Variants in UNC13C observed in about 807,000 individuals in gnomAD.
UNC13C encodes protein unc-13 homolog C.
Under a neutral mutation model 245.4 loss-of-function variants are expected in UNC13C, and 174 were observed. That is an observed-to-expected ratio of 0.71 (90% CI 0.63 to 0.80). The LOEUF (loss-of-function observed/expected upper bound fraction) is 0.80. Among genes scored for constraint, UNC13C ranks in the 30% least tolerant of loss-of-function variants. The pLI is 0.00. For synonymous variants in UNC13C, 992 were observed against 895.1 expected (o/e 1.11, Z -1.93); for missense variants, 2,829 against 2,602.9 (o/e 1.09, Z -1.89).
chr15:54,151,086 G>T (rs1177595604), intron 4 of UNC13C, among the ~76,000 whole-genome samples: 3 of 152,070 alleles, frequency 2.0e-5, no homozygotes, highest in African/African-American at 7.2e-5. Flanking sequence ...CTTACTGAGT[G>T]GTAGACCATA....
intron 14 of UNC13C, 70 bp from the exon 15 acceptor site, chr15:54,331,973 C>A: frequency 1.0e-6 from 1 of 996,538 alleles, no homozygotes; most frequent in Non-Finnish European, 1.4e-6. Context: ...AGACAAAACT[C>A]AGAATTATTA....
At chr15:53,979,245 C>A (rs1191238031) in intron 1 of UNC13C, among the ~76,000 whole-genome samples, 1 of 146,420 alleles carries the variant, frequency 6.8e-6, no homozygotes, top group Non-Finnish European at 1.5e-5. Flanking sequence ...TATTCCATAA[C>A]CCCTCGGAAT....
chr15:54,572,478 T>G (rs1271057924), intron 30 of UNC13C, among the ~76,000 whole-genome samples: 1 of 149,444 alleles, frequency 6.7e-6, no homozygotes, highest in Non-Finnish European at 1.5e-5. Context: ...CAAGCTAGAG[T>G]GCAGTGGCAC....
At chr15:54,407,984 G>A (rs571759506) in intron 18 of UNC13C, among the ~76,000 whole-genome samples, 2 of 151,978 alleles carry the variant, frequency 1.3e-5, no homozygotes, top group South Asian at 2.1e-4. Flanking sequence ...GGCAGATCAT[G>A]AGGTCAGGAG....
intron 14 of UNC13C, among the ~76,000 whole-genome samples, chr15:54,326,986 C>T (rs1438182769): frequency 2.0e-5 from 3 of 151,902 alleles, no homozygotes; most frequent in African/African-American, 7.3e-5. Flanking sequence ...AGCCACTTTA[C>T]CAGCGCATCA....
intron 4 of UNC13C, among the ~76,000 whole-genome samples, chr15:54,204,306 G>GAAAA (rs71132787): frequency 5.2e-4 from 65 of 124,840 alleles, no homozygotes; most frequent in Non-Finnish European, 7.3e-4. Flanking sequence ...ATTAAAAATT[G>GAAAA]AAAAAAAAAA....
At chr15:53,868,120 C>T in the UNC13C span, among the ~76,000 whole-genome samples, 1 of 152,164 alleles carries the variant, frequency 6.6e-6, no homozygotes. Context: ...CAGACATAAG[C>T]CACCATTCCT....
chr15:54,239,772 A>G (rs2035803316), intron 7 of UNC13C, among the ~76,000 whole-genome samples: 1 of 152,118 alleles, frequency 6.6e-6, no homozygotes, highest in Non-Finnish European at 1.5e-5. Flanking sequence ...CTTATCTGTT[A>G]GATTTATGAT....
At position 54,016,249 on chromosome 15, in the gene UNC13C, G is replaced by T. The variant is rs74524354; in HGVS notation, c.2983+363G>T. On this transcript the variant is annotated intron_variant, in intron 2 of 32. Coordinates refer to ENST00000260323, the MANE Select transcript of UNC13C (RefSeq NM_001080534.3). Reference sequence around the variant, plus strand: ...AACCAAAGGTTAAGCCAACAGCCTGGCATCTATTTCTTGGTTCCATTAAGT... The same window carrying T: ...AACCAAAGGTTAAGCCAACAGCCTGTCATCTATTTCTTGGTTCCATTAAGT... 2.0e-3 allele frequency among the ~76,000 whole-genome samples: 308 copies of T among 152,218 alleles called. 3 individuals are homozygous for T. Among genetic ancestry groups the T allele is most frequent in the African/African-American group, 7.2e-3 (298 of 41,524 alleles).
chr15:53,951,198 A>G, the UNC13C span, among the ~76,000 whole-genome samples: 1 of 152,354 alleles, frequency 6.6e-6, no homozygotes, highest in East Asian at 1.9e-4. Flanking sequence ...ATTTAACTCA[A>G]TAAACCTACA....
chr15:54,212,917 C>T (rs912855229), intron 4 of UNC13C, among the ~76,000 whole-genome samples: 2 of 152,008 alleles, frequency 1.3e-5, no homozygotes, highest in East Asian at 1.9e-4. Flanking sequence ...CTATTTAAAC[C>T]CTGATGGCCT....
intron 19 of UNC13C, among the ~76,000 whole-genome samples, chr15:54,492,502 T>C (rs999269424): frequency 1.3e-5 from 2 of 152,294 alleles, no homozygotes; most frequent in South Asian, 2.1e-4. Context: ...CATAGAAATT[T>C]ACATGCACAA....
intron 14 of UNC13C, among the ~76,000 whole-genome samples, chr15:54,325,550 T>C (rs1423644802): frequency 6.6e-6 from 1 of 151,988 alleles, no homozygotes; most frequent in African/African-American, 2.4e-5. Flanking sequence ...CCTAATGCTA[T>C]CCCTCCCCCA....
chr15:54,227,369 G>A (rs1299626996), intron 4 of UNC13C, among the ~76,000 whole-genome samples: 1 of 152,136 alleles, frequency 6.6e-6, no homozygotes, highest in Non-Finnish European at 1.5e-5. Flanking sequence ...TTGAAGGTGG[G>A]GTTTCACCAC....
intron 4 of UNC13C, among the ~76,000 whole-genome samples, chr15:54,214,444 G>A (rs985684571): frequency 6.6e-6 from 1 of 151,906 alleles, no homozygotes; most frequent in Non-Finnish European, 1.5e-5. Flanking sequence ...AACTATATAA[G>A]AGGATGCAAG....
chr15:54,101,210 C>CT (rs775669470), intron 2 of UNC13C, among the ~76,000 whole-genome samples: 7 of 151,494 alleles, frequency 4.6e-5, no homozygotes, highest in Non-Finnish European at 1.0e-4. Context: ...ATCATGGTTC[C>CT]TTTTTTTTCT....
At chr15:54,044,034 T>G (rs1482062077) in intron 2 of UNC13C, among the ~76,000 whole-genome samples, 5 of 152,234 alleles carry the variant, frequency 3.3e-5, no homozygotes, top group Non-Finnish European at 7.3e-5. Flanking sequence ...TTGGAACTTT[T>G]GTCACCCCAA....
chr15:53,996,895 T>A (rs1025070110), intron 1 of UNC13C, among the ~76,000 whole-genome samples: 1 of 151,880 alleles, frequency 6.6e-6, no homozygotes, highest in Non-Finnish European at 1.5e-5. Context: ...TATACACATT[T>A]GTTTGTGAAA....
chr15:54,340,289 T>C (rs1001821808), intron 17 of UNC13C, among the ~76,000 whole-genome samples: 88 of 152,348 alleles, frequency 5.8e-4, no homozygotes, highest in African/African-American at 2.0e-3. Flanking sequence ...TTTAGTTTAA[T>C]TAAATCCCAC....
Sources: gnomAD v4.1 joint callset for allele counts (sites outside exome capture counted in the v4.1 genomes callset) on GRCh38, gnomAD v4.1.1 for gene constraint, MANE v1.5 for transcripts, NCBI Gene and HGNC (gene_info 2026-07-23, HGNC 2026-07-21) for gene names.